ZNF679: variants seen among roughly 807,000 people sequenced by gnomAD.
ZNF679 encodes the protein hypothetical protein MGC42415.
Under a neutral mutation model 13.4 loss-of-function variants are expected in ZNF679, and 10 were observed. That is an observed-to-expected ratio of 0.75 (90% CI 0.46 to 1.27). The LOEUF is 1.27. Ranked by LOEUF, ZNF679 falls within the 50% of genes most tolerant of loss-of-function variation. The probability of loss-of-function intolerance (pLI) is 0.00; values close to 1 mark genes in which losing one functional copy is unlikely to be tolerated. For synonymous variants in ZNF679, 179 were observed against 162.5 expected (o/e 1.10, Z -0.77); for missense variants, 525 against 477.8 (o/e 1.10, Z -0.92).
intron 2 of ZNF679, among the ~76,000 whole-genome samples, chr7:64,252,347 A>G (rs538570287): frequency 6.6e-6 from 1 of 152,350 alleles, no homozygotes; most frequent in South Asian, 2.1e-4. Flanking sequence ...GTAGAGCTCA[A>G]TATGTAACAA....
intron 1 of ZNF679, among the ~76,000 whole-genome samples, chr7:64,236,965 GA>G (rs552533058): frequency 3.2e-4 from 11 of 34,088 alleles, no homozygotes; most frequent in African/African-American, 7.8e-4. Context: ...AAGAAAGAAA[GA>G]AAGAAAGAAA....
chr7:64,236,981 A>AAGAAAG (rs1787734050), intron 1 of ZNF679, among the ~76,000 whole-genome samples: 1 of 55,988 alleles, frequency 1.8e-5, no homozygotes, highest in African/African-American at 9.5e-5. Context: ...AAGAAAAAGA[A>AAGAAAG]AGAAAGAAAG....
At position 64,266,379 on chromosome 7, in the gene ZNF679, T is replaced by C. The variant is rs747881186; in HGVS notation, c.746T>C (p.Phe249Ser). 3.7e-6 allele frequency: 6 copies of C among 1,613,542 alleles called. No homozygotes were observed. The highest frequency in any genetic ancestry group is 5.1e-6 in the Non-Finnish European group (6 of 1,179,860). ...PYRCEECGKA[F>S]TWSSTLTKHR... ...AGATGTGAGGAATGTGGCAAAGCTTTTACCTGGTCCTCAACCCTTACTAAA... is the reference window on the plus strand; with the variant it reads ...AGATGTGAGGAATGTGGCAAAGCTTCTACCTGGTCCTCAACCCTTACTAAA... Residue 249 changes from phenylalanine (F) to serine (S), a missense_variant, in exon 5 of 5, where the codon TTT (phenylalanine) becomes TCT (serine). Coordinates refer to ENST00000421025, the MANE Select transcript of ZNF679 (RefSeq NM_153363.3).
intron 2 of ZNF679, among the ~76,000 whole-genome samples, chr7:64,251,395 A>G (rs1787942828): frequency 8.5e-5 from 13 of 152,180 alleles, no homozygotes; most frequent in Admixed American, 8.5e-4. Flanking sequence ...TGGAGGTTCC[A>G]GTGAGCCAAG....
chr7:64,263,911 GTTT>G (rs1305617498), intron 4 of ZNF679, among the ~76,000 whole-genome samples: 1 of 151,876 alleles, frequency 6.6e-6, no homozygotes, highest in Non-Finnish European at 1.5e-5. Flanking sequence ...CAGGTTTTCT[GTTT>G]TTTAATTAAT....
At chr7:64,244,627 A>G (rs746918255) in intron 1 of ZNF679, among the ~76,000 whole-genome samples, 5 of 152,224 alleles carry the variant, frequency 3.3e-5, no homozygotes, top group Admixed American at 6.5e-5. Flanking sequence ...AGAAAGGACA[A>G]TTCAGGATGG....
chr7:64,232,507 C>T (rs148202810), intron 1 of ZNF679, among the ~76,000 whole-genome samples: 75 of 152,322 alleles, frequency 4.9e-4, no homozygotes, highest in African/African-American at 1.7e-3. Context: ...CATCAGTGGG[C>T]AGGAACCAGG....
At chr7:64,260,385 C>T in intron 3 of ZNF679, 38 bp downstream of exon 3, 1 of 1,558,906 alleles carries the variant, frequency 6.4e-7, no homozygotes, top group Non-Finnish European at 8.6e-7. Flanking sequence ...TAATATATTT[C>T]TTTTCTCTCT....
At chr7:64,233,253 C>CAAAAAAAAAAAAAAA in intron 1 of ZNF679, among the ~76,000 whole-genome samples, 1 of 126,248 alleles carries the variant, frequency 7.9e-6, no homozygotes. Flanking sequence ...AACAAATAAA[C>CAAAAAAAAAAAAAAA]AAAAAAAAAA....
intron 1 of ZNF679, among the ~76,000 whole-genome samples, chr7:64,238,790 A>G (rs1787758273): frequency 6.6e-6 from 1 of 152,208 alleles, no homozygotes; most frequent in South Asian, 2.1e-4. Flanking sequence ...TACATCCTAC[A>G]GAGGACATCA....
intron 4 of ZNF679, among the ~76,000 whole-genome samples, chr7:64,261,332 T>C (rs767596253): frequency 1.7e-4 from 26 of 152,180 alleles, no homozygotes; most frequent in Non-Finnish European, 3.4e-4. Context: ...CATTGGTGGT[T>C]GTCCGTTTTT....
intron 1 of ZNF679, among the ~76,000 whole-genome samples, chr7:64,230,402 G>A (rs1470817058): frequency 7.2e-5 from 11 of 151,846 alleles, no homozygotes; most frequent in South Asian, 6.2e-4. Context: ...GCGCGGTGGC[G>A]GGCGCCTGTA....
intron 1 of ZNF679, among the ~76,000 whole-genome samples, chr7:64,235,118 G>A (rs1025996371): frequency 1.8e-4 from 28 of 152,130 alleles, no homozygotes; most frequent in African/African-American, 6.3e-4. Flanking sequence ...GATTACAGGT[G>A]TAAGCCACTG....
In ZNF679 at chr7:64,237,888, A is replaced by G. The variant is rs1787749117; in HGVS notation, c.-91+9236A>G. 2.0e-5 allele frequency among the ~76,000 whole-genome samples: 3 copies of G among 152,214 alleles called. No individual in the cohort carries two copies. In the South Asian group the frequency reaches 6.2e-4, roughly 32 times the overall value. ...ATAATTCAGAAAATGCCAATTGGAA[A>G]AAAATGTATAGGGCACAGAAAAGTG... On this transcript the variant is annotated intron_variant, in intron 1 of 4. Transcript: ENST00000421025.
intron 2 of ZNF679, among the ~76,000 whole-genome samples, chr7:64,253,575 A>G (rs576194036): frequency 5.3e-5 from 8 of 152,234 alleles, no homozygotes; most frequent in Non-Finnish European, 1.2e-4. Context: ...CAGTTTCTAG[A>G]CTTTGTAAAA....
At position 64,249,046 on chromosome 7, in the gene ZNF679, C is replaced by G; in HGVS notation, c.-72C>G. ...CGTCCAGAGCTCCAGTTCTTCTCTT[C>G]ACTGCTCTGCGTCCTCTGTTCCTAG... On this transcript the variant is annotated 5_prime_UTR_variant, in exon 2 of 5. Coordinates refer to ENST00000421025, the MANE Select transcript of ZNF679 (RefSeq NM_153363.3). The G allele has an allele frequency of 6.2e-7, 1 of 1,606,240 alleles. No homozygotes were observed. The highest frequency in any genetic ancestry group is 8.5e-7 in the Non-Finnish European group (1 of 1,175,342).
Position 64,266,303 on chromosome 7 carries a change from T to G in ZNF679, c.670T>G (p.Ser224Ala). The change falls in exon 5 of 5, where the codon TCT (serine) becomes GCT (alanine). Residue 224 changes from serine to alanine, a missense_variant. Ser to Ala is a moderately conservative substitution (Grantham distance 99). Coordinates refer to ENST00000421025, the MANE Select transcript of ZNF679 (RefSeq NM_153363.3). Reference sequence around the variant, plus strand: ...AGAATGCGGCAAACCCTTCAACTGCTCTTCAACCCTTTCTAAACATAAAAG... The same window carrying G: ...AGAATGCGGCAAACCCTTCAACTGCGCTTCAACCCTTTCTAAACATAAAAG... ...CEECGKPFNC[S>A]STLSKHKRIH... 1 of 1,609,140 alleles carries G rather than the reference T, an allele frequency of 6.2e-7. No individual in the cohort carries two copies. The highest frequency in any genetic ancestry group is 8.5e-7 in the Non-Finnish European group (1 of 1,177,544).
chr7:64,229,268 C>T (rs566402591), intron 1 of ZNF679, among the ~76,000 whole-genome samples: 17 of 152,180 alleles, frequency 1.1e-4, no homozygotes, highest in Admixed American at 5.2e-4. Flanking sequence ...TTATACTGTA[C>T]GCATGAGTGT....
intron 2 of ZNF679, among the ~76,000 whole-genome samples, chr7:64,254,130 C>CT (rs201161079): frequency 8.7e-4 from 120 of 138,250 alleles, no homozygotes; most frequent in African/African-American, 1.4e-3. Flanking sequence ...TTTATTATTA[C>CT]TTTTTTTTTT....
Sources: allele counts gnomAD v4.1 joint callset (sites outside exome capture counted in the v4.1 genomes callset), GRCh38; gene constraint gnomAD v4.1.1; transcripts MANE v1.5; gene names NCBI Gene and HGNC (gene_info 2026-07-23, HGNC 2026-07-21).